Variants in ZNF385D observed in about 807,000 individuals in gnomAD.
ZNF385D encodes zinc finger protein 385D.
In ZNF385D, 15 loss-of-function variants were observed where a neutral mutation model predicts 35.8. The observed-to-expected ratio is 0.42, with a 90% CI of 0.28 to 0.64. ZNF385D has a LOEUF of 0.64. Ranked by LOEUF, ZNF385D falls within the 30% of genes least tolerant of loss-of-function variation. ZNF385D has a pLI of 0.23. For synonymous variants in ZNF385D, 212 were observed against 186.8 expected (o/e 1.13, Z -1.10); for missense variants, 474 against 494.6 (o/e 0.96, Z 0.39).
intron 2 of ZNF385D, among the ~76,000 whole-genome samples, chr3:22,252,089 G>A (rs1000816679): frequency 6.6e-6 from 1 of 151,994 alleles, no homozygotes; most frequent in South Asian, 2.1e-4. Context: ...AGAGAGGGAG[G>A]ATGACACATT....
chr3:22,138,335 T>C (rs1034182416), intron 3 of ZNF385D, among the ~76,000 whole-genome samples: 3 of 152,064 alleles, frequency 2.0e-5, no homozygotes, highest in Admixed American at 6.6e-5. Context: ...TCATATGGAA[T>C]CAAAATAGAA....
At chr3:22,147,747 AT>A (rs1162989618) in intron 3 of ZNF385D, among the ~76,000 whole-genome samples, 1 of 152,162 alleles carries the variant, frequency 6.6e-6, no homozygotes, top group Non-Finnish European at 1.5e-5. Context: ...TTTCTCCACA[AT>A]GAAAGAGTTA....
At chr3:22,068,574 G>A (rs1181104377) in intron 3 of ZNF385D, among the ~76,000 whole-genome samples, 2 of 151,956 alleles carry the variant, frequency 1.3e-5, no homozygotes, top group Non-Finnish European at 2.9e-5. Flanking sequence ...GATCTGCCTG[G>A]CTTCCTACAG....
chr3:22,014,613 C>T (rs1163007490), intron 3 of ZNF385D, among the ~76,000 whole-genome samples: 1 of 151,960 alleles, frequency 6.6e-6, no homozygotes. Context: ...AATATATACT[C>T]AGAAAAATTA....
chr3:21,615,703 G>A, intron 2 of ZNF385D, among the ~76,000 whole-genome samples: 1 of 151,414 alleles, frequency 6.6e-6, no homozygotes, highest in East Asian at 1.9e-4. Flanking sequence ...AAAGCCTTAG[G>A]ATAGTTAGGG....
chr3:21,568,952 A>G (rs2063237728), intron 2 of ZNF385D, among the ~76,000 whole-genome samples: 1 of 152,198 alleles, frequency 6.6e-6, no homozygotes. Flanking sequence ...TTTAGGATAT[A>G]TTTATTCAGT....
chr3:22,090,185 C>G (rs551446464), intron 3 of ZNF385D, among the ~76,000 whole-genome samples: 146 of 152,156 alleles, frequency 9.6e-4, no homozygotes, highest in African/African-American at 3.4e-3. Context: ...CAAATTGCTA[C>G]AAAATTTCTG....
At chr3:21,439,406 A>G (rs1701747139) in intron 4 of ZNF385D, among the ~76,000 whole-genome samples, 1 of 151,752 alleles carries the variant, frequency 6.6e-6, no homozygotes, top group Non-Finnish European at 1.5e-5. Flanking sequence ...AATTGTTCTT[A>G]GGATCAGCTC....
At chr3:22,063,945 C>A (rs1410864986) in intron 3 of ZNF385D, among the ~76,000 whole-genome samples, 3 of 152,348 alleles carry the variant, frequency 2.0e-5, no homozygotes, top group Admixed American at 2.0e-4. Context: ...TTCCCTATAA[C>A]CCACAGTTAT....
Position 22,328,790 on chromosome 3 carries a change from T to C in ZNF385D, c.106+43660A>G, listed in dbSNP as rs1694794519. ...AAAAAAAAGTTAATAAAAAAGAGTT[T>C]ATTGGCCGGGCGCGGTGGCTCACGC... On this transcript the variant is annotated intron_variant, in intron 2 of 5. Coordinates refer to the ZNF385D transcript ENST00000494108. 3.5e-5 allele frequency among the ~76,000 whole-genome samples: 5 copies of C among 141,312 alleles called. No homozygotes were observed. In the Admixed American group the frequency reaches 3.5e-4, roughly 10 times the overall value. The allele number at this position is 141,312 out of a possible 152,430, so 92.7% of individuals were successfully genotyped here. A position where few individuals can be genotyped will look rare whatever the true frequency, so the allele number is the denominator to read the frequency against.
chr3:21,833,108 T>C (rs574062710), intron 3 of ZNF385D, among the ~76,000 whole-genome samples: 1 of 152,282 alleles, frequency 6.6e-6, no homozygotes, highest in Non-Finnish European at 1.5e-5. Context: ...ATTGAGTACC[T>C]ACTGTACCAG....
intron 3 of ZNF385D, among the ~76,000 whole-genome samples, chr3:21,540,968 C>T (rs2062160608): frequency 6.6e-6 from 1 of 152,052 alleles, no homozygotes; most frequent in Non-Finnish European, 1.5e-5. Context: ...ACAACAGATC[C>T]CAGAGGCAGT....
chr3:21,654,784 C>A (rs568119323), intron 2 of ZNF385D, among the ~76,000 whole-genome samples: 17 of 152,152 alleles, frequency 1.1e-4, no homozygotes, highest in Admixed American at 2.6e-4. Flanking sequence ...CCTCTAAATG[C>A]TCACTCTCAA....
chr3:22,113,531 G>T (rs998667328), intron 3 of ZNF385D, among the ~76,000 whole-genome samples: 10 of 152,072 alleles, frequency 6.6e-5, no homozygotes, highest in Admixed American at 2.0e-4. Context: ...ACATATTTGT[G>T]TAAGTAAAAA....
intron 3 of ZNF385D, among the ~76,000 whole-genome samples, chr3:21,974,255 C>T (rs1052259679): frequency 2.0e-5 from 3 of 151,810 alleles, no homozygotes; most frequent in Non-Finnish European, 2.9e-5. Context: ...AATAGAGAAC[C>T]CAGAAATAAA....
intron 2 of ZNF385D, among the ~76,000 whole-genome samples, chr3:22,337,764 A>G (rs1207945599): frequency 3.9e-5 from 6 of 152,238 alleles, no homozygotes; most frequent in Non-Finnish European, 7.3e-5. Flanking sequence ...ATGTTTTCAT[A>G]GAATTTCAAA....
chr3:22,026,705 A>G (rs35681178), intron 3 of ZNF385D, among the ~76,000 whole-genome samples: 20,453 of 152,192 alleles, frequency 0.13, 1,800 homozygotes, highest in South Asian at 0.29. Context: ...TATGGTGGGA[A>G]AGGCCAAATG....
At chr3:22,125,196 G>T (rs1703356484) in intron 3 of ZNF385D, among the ~76,000 whole-genome samples, 1 of 151,966 alleles carries the variant, frequency 6.6e-6, no homozygotes, top group Non-Finnish European at 1.5e-5. Context: ...GTATGTTCTT[G>T]GCACCTTTGT....
intron 3 of ZNF385D, chr3:21,979,807 A>G (rs1041620531): frequency 3.0e-5 from 4 of 132,974 alleles, no homozygotes; most frequent in African/African-American, 1.7e-4. Flanking sequence ...GCCTTCACCA[A>G]ATGAACTTGT....
Sources: gnomAD v4.1 joint callset for allele counts (sites outside exome capture counted in the v4.1 genomes callset) on GRCh38, gnomAD v4.1.1 for gene constraint, MANE v1.5 for transcripts, NCBI Gene and HGNC (gene_info 2026-07-23, HGNC 2026-07-21) for gene names.